Variants in THADA observed in about 807,000 individuals in gnomAD.
The protein encoded by THADA is THADA armadillo repeat containing, also known as tRNA (32-2'-O)-methyltransferase regulator THADA.
THADA carries 213 observed loss-of-function variants against 219.8 expected under a neutral mutation model. That is an observed-to-expected ratio of 0.97 (90% CI 0.87 to 1.09). The LOEUF (loss-of-function observed/expected upper bound fraction) is 1.09. THADA is among the 50% of genes least tolerant of loss of function. The probability of loss-of-function intolerance (pLI) is 0.00; values close to 1 mark genes in which losing one functional copy is unlikely to be tolerated. For missense variants in THADA, 2,956 were observed against 2,311.3 expected (o/e 1.28, Z -5.72); for synonymous variants, 1,018 against 828.9 (o/e 1.23, Z -3.92).
chr2:43,507,883 T>A (rs939469925), intron 23 of THADA, among the ~76,000 whole-genome samples: 2 of 152,206 alleles, frequency 1.3e-5, no homozygotes, highest in African/African-American at 2.4e-5. Flanking sequence ...CATATCTAAA[T>A]GTGCTGATAT....
At chr2:43,555,380 T>C (rs1259081997) in intron 17 of THADA, among the ~76,000 whole-genome samples, 2 of 150,470 alleles carry the variant, frequency 1.3e-5, no homozygotes, top group East Asian at 3.9e-4. Context: ...TTACATATTA[T>C]TTATATATAT....
intron 26 of THADA, among the ~76,000 whole-genome samples, chr2:43,466,694 A>C (rs1211915099): frequency 5.9e-5 from 9 of 152,118 alleles, no homozygotes; most frequent in Non-Finnish European, 4.4e-5. Context: ...TACTCTCCTA[A>C]TCTGCAGGCA....
At chr2:43,538,286 G>A (rs890177022) in intron 21 of THADA, 2 of 152,210 alleles carry the variant, frequency 1.3e-5, no homozygotes, top group Non-Finnish European at 2.9e-5. Flanking sequence ...GAAGTTGTGA[G>A]ATAAGGTTGT....
At chr2:43,414,823 G>C (rs1052820497) in intron 28 of THADA, among the ~76,000 whole-genome samples, 3 of 152,074 alleles carry the variant, frequency 2.0e-5, no homozygotes, top group Non-Finnish European at 2.9e-5. Context: ...CTGCTGCTTG[G>C]AACTATTCTG....
intron 29 of THADA, among the ~76,000 whole-genome samples, chr2:43,383,240 C>T (rs189276071): frequency 1.2e-3 from 180 of 152,204 alleles, no homozygotes; most frequent in African/African-American, 4.1e-3. Context: ...GTTGGAAAAG[C>T]GAATCAAACC....
intron 17 of THADA, among the ~76,000 whole-genome samples, chr2:43,554,769 G>C (rs971483921): frequency 6.6e-6 from 1 of 152,062 alleles, no homozygotes; most frequent in African/African-American, 2.4e-5. Context: ...TTGTGACCAG[G>C]TTATTCCATT....
chr2:43,314,913 G>C (rs778727613), intron 31 of THADA, among the ~76,000 whole-genome samples: 68 of 152,150 alleles, frequency 4.5e-4, no homozygotes, highest in Non-Finnish European at 7.8e-4. Context: ...CAAATGATTG[G>C]GAAGCACTAT....
intron 34 of THADA, among the ~76,000 whole-genome samples, chr2:43,287,925 C>T (rs1674235872): frequency 6.6e-6 from 1 of 152,150 alleles, no homozygotes; most frequent in African/African-American, 2.4e-5. Flanking sequence ...TTGGGTTTCC[C>T]CTTCCTGCTG....
chr2:43,585,535 G>GATAC (rs1700919283), intron 7 of THADA, among the ~76,000 whole-genome samples: 1 of 98,188 alleles, frequency 1.0e-5, no homozygotes, highest in Non-Finnish European at 2.0e-5. Context: ...AAAAAATGTA[G>GATAC]ATAGATAGAT....
chr2:43,436,427 A>C (rs142438592), intron 26 of THADA, among the ~76,000 whole-genome samples: 82 of 152,234 alleles, frequency 5.4e-4, no homozygotes, highest in Non-Finnish European at 8.7e-4. Flanking sequence ...AATTTAACCA[A>C]CTGCTGGGTC....
At chr2:43,561,400 A>G (rs1174265349) in intron 15 of THADA, among the ~76,000 whole-genome samples, 1 of 152,246 alleles carries the variant, frequency 6.6e-6, no homozygotes, top group Non-Finnish European at 1.5e-5. Flanking sequence ...CAGCCAACCA[A>G]GGGATGAAAA....
Position 43,592,451 on chromosome 2 carries a change from G to C in THADA, c.-24-35C>G, listed in dbSNP as rs1380776193. 2.3e-6 allele frequency: 3 copies of C among 1,277,276 alleles called. No homozygotes were observed. The Admixed American group carries it at 6.2e-5, about 26-fold the overall frequency. The allele number at this position is 1,277,276 out of a possible 1,614,324, so 79.1% of individuals were successfully genotyped here. A position where few individuals can be genotyped will look rare whatever the true frequency, so the allele number is the denominator to read the frequency against. The stretch of plus-strand genomic sequence containing the variant: ...AGAAGACTTTAAGGCATTAATGTAA[G>C]GTTTCTCAACCTCAGCACTATGATT... On this transcript the variant is annotated intron_variant, in intron 1 of 37. Coordinates refer to ENST00000405975, the MANE Select transcript of THADA (RefSeq NM_022065.5).
intron 29 of THADA, among the ~76,000 whole-genome samples, chr2:43,384,664 T>G (rs1672423358): frequency 6.6e-6 from 1 of 152,314 alleles, no homozygotes; most frequent in Non-Finnish European, 1.5e-5. Context: ...ATACTTCTTT[T>G]CAGTATAAGA....
rs1699633119 is a variant in THADA, at chr2:43,574,484, A to G, written c.1581T>C (p.Val527=). The change falls in exon 11 of 38, where the codon GTT becomes GTC. Residue 527 remains valine, a synonymous_variant. Coordinates refer to ENST00000405975, the MANE Select transcript of THADA (RefSeq NM_022065.5). ...SWIDQWHETW[V]SPLLFILCEG... ...CACACAATATAAAAAGGAGAGGAGA[A>G]ACCCAAGTCTCATGCCACTGGTCAA... The G allele has an allele frequency of 6.2e-7, 1 of 1,613,810 alleles. No individual in the cohort carries two copies. The highest frequency in any genetic ancestry group is 1.3e-5 in the African/African-American group (1 of 74,932).
intron 26 of THADA, among the ~76,000 whole-genome samples, chr2:43,439,699 G>A (rs1680596848): frequency 1.3e-5 from 2 of 152,144 alleles, no homozygotes; most frequent in African/African-American, 4.8e-5. Context: ...AGCTATGAGT[G>A]CATAGGAAAA....
At chr2:43,575,904 T>C (rs755005445) in intron 10 of THADA, among the ~76,000 whole-genome samples, 2 of 152,170 alleles carry the variant, frequency 1.3e-5, no homozygotes, top group East Asian at 3.8e-4. Context: ...GGCTTCTCTG[T>C]GATAAAAATA....
intron 36 of THADA, among the ~76,000 whole-genome samples, chr2:43,261,922 C>T (rs1180654925): frequency 6.6e-6 from 1 of 151,866 alleles, no homozygotes; most frequent in African/African-American, 2.4e-5. Flanking sequence ...CAGGCATGAG[C>T]CACCGCGCCT....
intron 29 of THADA, among the ~76,000 whole-genome samples, chr2:43,349,250 T>C (rs150108124): frequency 6.6e-6 from 1 of 152,154 alleles, no homozygotes; most frequent in East Asian, 1.9e-4. Context: ...TTAATGAAAG[T>C]TTGAGGGGAA....
chr2:43,475,904 CACAA>C (rs1239218894), intron 26 of THADA, among the ~76,000 whole-genome samples: 1 of 152,210 alleles, frequency 6.6e-6, no homozygotes, highest in African/African-American at 2.4e-5. Context: ...CTGTTCTTAA[CACAA>C]ACATTTTCAG....
Sources: gnomAD v4.1 joint callset for allele counts (sites outside exome capture counted in the v4.1 genomes callset) on GRCh38, gnomAD v4.1.1 for gene constraint, MANE v1.5 for transcripts, NCBI Gene and HGNC (gene_info 2026-07-23, HGNC 2026-07-21) for gene names.